The following CYP2C19 variants were observed in gnomAD, a reference collection of about 807,000 sequenced individuals.
CYP2C19 encodes cytochrome P450 2C19.
A neutral mutation model predicts 40.9 loss-of-function variants in CYP2C19; 59 were observed. The observed-to-expected ratio is 1.44, with a 90% CI of 1.17 to 1.79. The LOEUF is 1.79. Ranked by LOEUF, CYP2C19 falls within the 40% of genes most tolerant of loss-of-function variation. The pLI, the probability that CYP2C19 is intolerant of heterozygous loss-of-function variation, is 0.00. For missense variants in CYP2C19, 754 were observed against 596.9 expected (o/e 1.26, Z -2.74); for synonymous variants, 253 against 208.7 (o/e 1.21, Z -1.83).
At chr10:94,793,353 C>T (rs555396654) in intron 5 of CYP2C19, among the ~76,000 whole-genome samples, 1 of 152,322 alleles carries the variant, frequency 6.6e-6, no homozygotes, top group South Asian at 2.1e-4. Context: ...AAGCCTTCTT[C>T]TCTCAACTCG....
chr10:94,796,641 T>C (rs1372392438), intron 5 of CYP2C19, among the ~76,000 whole-genome samples: 1 of 152,188 alleles, frequency 6.6e-6, no homozygotes, highest in Non-Finnish European at 1.5e-5. Context: ...GGAATGTTCT[T>C]CCATTAGTTT....
intron 6 of CYP2C19, among the ~76,000 whole-genome samples, chr10:94,828,894 A>G (rs1849278052): frequency 6.6e-6 from 1 of 151,984 alleles, no homozygotes; most frequent in South Asian, 2.1e-4. Flanking sequence ...GCTTGTCTGT[A>G]AAGGATTTTA....
At chr10:94,824,316 C>T (rs965653313) in intron 6 of CYP2C19, among the ~76,000 whole-genome samples, 3 of 152,022 alleles carry the variant, frequency 2.0e-5, no homozygotes, top group African/African-American at 7.2e-5. Flanking sequence ...TTAAAATTTT[C>T]ATCTCATAAT....
intron 5 of CYP2C19, among the ~76,000 whole-genome samples, chr10:94,786,377 G>A (rs1021246835): frequency 2.0e-5 from 3 of 151,984 alleles, no homozygotes; most frequent in African/African-American, 7.2e-5. Flanking sequence ...ACATTGAAGA[G>A]TTTTCAATTT....
chr10:94,805,533 G>T (rs945849485), intron 5 of CYP2C19, among the ~76,000 whole-genome samples: 3 of 152,090 alleles, frequency 2.0e-5, no homozygotes, highest in Non-Finnish European at 4.4e-5. Context: ...AAACATCACT[G>T]CCATACATCT....
At chr10:94,779,566 C>CTTTTCTTTTCTTTTCTTTT (rs762886433) in intron 3 of CYP2C19, among the ~76,000 whole-genome samples, 1 of 142,382 alleles carries the variant, frequency 7.0e-6, no homozygotes, top group African/African-American at 2.6e-5. Flanking sequence ...CTTTTCTTTT[C>CTTTTCTTTTCTTTTCTTTT]TTTTTTTTTT....
intron 8 of CYP2C19, among the ~76,000 whole-genome samples, 160 bp downstream of exon 8, chr10:94,850,218 C>T (rs760801727): frequency 6.6e-6 from 1 of 152,108 alleles, no homozygotes; most frequent in Non-Finnish European, 1.5e-5. Context: ...GTGATACATC[C>T]TCATTATTCG....
intron 6 of CYP2C19, among the ~76,000 whole-genome samples, chr10:94,834,108 C>A (rs1441613175): frequency 6.6e-6 from 1 of 152,096 alleles, no homozygotes; most frequent in African/African-American, 2.4e-5. Flanking sequence ...TGGTAAAATT[C>A]AGCAGTGAAG....
chr10:94,808,352 T>C (rs1191979382), intron 5 of CYP2C19, among the ~76,000 whole-genome samples: 1 of 152,144 alleles, frequency 6.6e-6, no homozygotes, highest in East Asian at 1.9e-4. Flanking sequence ...GATCTTTTGA[T>C]ATAAAAATGC....
intron 5 of CYP2C19, among the ~76,000 whole-genome samples, chr10:94,804,061 G>A (rs1001393638): frequency 1.3e-5 from 2 of 152,142 alleles, no homozygotes; most frequent in South Asian, 2.1e-4. Context: ...TCTATACCAA[G>A]GAAGAGTGGG....
chr10:94,793,946 C>T (rs1016772470), intron 5 of CYP2C19, among the ~76,000 whole-genome samples: 5 of 152,178 alleles, frequency 3.3e-5, no homozygotes, highest in Non-Finnish European at 7.3e-5. Context: ...CAGCTATGCC[C>T]TGCCCCCAAA....
At chr10:94,770,898 T>C (rs1162976774) in intron 1 of CYP2C19, among the ~76,000 whole-genome samples, 1 of 152,114 alleles carries the variant, frequency 6.6e-6, no homozygotes, top group Admixed American at 6.5e-5. Flanking sequence ...CAGTAGGGAA[T>C]TTGTCCCTTT....
rs1849680246 is a variant in CYP2C19 at position 94,853,103 on chromosome 10, T to C, written c.*189T>C. ...CAAATATATCTGCTATTCCCCATAC[T>C]CTATAATAGTTACATTGAGTGCCAC... On this transcript the variant is annotated 3_prime_UTR_variant, in exon 9 of 9. Transcript: ENST00000371321. The C allele has an allele frequency of 1.6e-6, 1 of 609,938 alleles. No homozygotes were observed. Among genetic ancestry groups the C allele is most frequent in the African/African-American group, 1.9e-5 (1 of 54,020 alleles). 37.8% of individuals were successfully genotyped at this position (609,938 alleles called of 1,614,324 possible). A position where few individuals can be genotyped will look rare whatever the true frequency, so the allele number is the denominator to read the frequency against.
intron 8 of CYP2C19, 92 bp from the exon 9 acceptor site, chr10:94,852,641 C>A (rs974175833): frequency 7.2e-6 from 10 of 1,391,108 alleles, no homozygotes; most frequent in Non-Finnish European, 1.0e-5. Flanking sequence ...ACAGTTCTTG[C>A]ATATTCTGTC....
chr10:94,844,442 T>C (rs1438661874), intron 7 of CYP2C19, among the ~76,000 whole-genome samples: 1 of 137,922 alleles, frequency 7.3e-6, no homozygotes, highest in Non-Finnish European at 1.7e-5. Flanking sequence ...TTGAGACCAA[T>C]TTTTGTCTTG....
intron 5 of CYP2C19, among the ~76,000 whole-genome samples, chr10:94,787,348 TTTAAC>T (rs1848556084): frequency 1.3e-5 from 2 of 152,110 alleles, no homozygotes; most frequent in Admixed American, 1.3e-4. Context: ...TTATTTGTTT[TTTAAC>T]TTGTTGAATT....
At position 94,780,574 on chromosome 10, in the gene CYP2C19, G is replaced by C. The variant is rs140278421; in HGVS notation, c.557G>C (p.Arg186Pro). The C allele has an allele frequency of 8.9e-5, 144 of 1,613,806 alleles. No individual in the cohort carries two copies. The African/African-American group carries it at 1.7e-3, about 19-fold the overall frequency. ...ATCTGCTCCATTATTTTCCAGAAAC[G>C]TTTCGATTATAAAGATCAGCAATTT... ...NVICSIIFQK[R>P]FDYKDQQFLN... Residue 186 changes from arginine (R) to proline (P), a missense_variant, in exon 4 of 9, where the codon CGT (arginine) becomes CCT (proline). Arg to Pro is a moderately radical substitution (Grantham distance 103). Coordinates refer to ENST00000371321, the MANE Select transcript of CYP2C19 (RefSeq NM_000769.4).
At position 94,780,632 on chromosome 10, in the gene CYP2C19, C is replaced by A. The variant is rs777116655; in HGVS notation, c.615C>A (p.Ile205=). The A allele has an allele frequency of 3.1e-6, 5 of 1,613,716 alleles. No individual in the cohort carries two copies. The highest frequency in any genetic ancestry group is 3.3e-5 in the Admixed American group (2 of 59,974). The change falls in exon 4 of 9, where the codon ATC becomes ATA. Residue 205 remains isoleucine (I), a synonymous_variant. Coordinates refer to ENST00000371321, the MANE Select transcript of CYP2C19 (RefSeq NM_000769.4). ...TGATGGAAAAATTGAATGAAAACAT[C>A]AGGATTGTAAGCACCCCCTGGATCC... is the stretch of plus-strand genomic sequence containing the variant. ...LNLMEKLNEN[I]RIVSTPWIQI...
rs188749560 is a variant in CYP2C19 at position 94,814,305 on chromosome 10, A to G, written c.820-6191A>G. The stretch of plus-strand genomic sequence containing the variant: ...TGAATTCCTTTTTTGAATATTTGTG[A>G]ATTTTTTTCATTGAGGTCTGTTATT... On this transcript the variant is annotated intron_variant, in intron 5 of 8. Transcript: ENST00000371321. Among the ~76,000 whole-genome samples, 381 of 151,536 alleles carry G rather than the reference A, an allele frequency of 2.5e-3. 2 individuals are homozygous for G. Among genetic ancestry groups the G allele is most frequent in the Admixed American group, 4.8e-3 (73 of 15,240 alleles).
Sources: gnomAD v4.1 joint callset for allele counts (sites outside exome capture counted in the v4.1 genomes callset) on GRCh38, gnomAD v4.1.1 for gene constraint, MANE v1.5 for transcripts, NCBI Gene and HGNC (gene_info 2026-07-23, HGNC 2026-07-21) for gene names.